Variants in RUFY4 observed in about 807,000 individuals in gnomAD.
RUFY4 encodes RUN and FYVE domain containing 4.
A neutral mutation model predicts 69.0 loss-of-function variants in RUFY4; 73 were observed. The ratio of observed to expected loss-of-function variants is 1.06; its 90% CI spans 0.88 to 1.29. RUFY4 has a LOEUF of 1.29. RUFY4 is among the 50% of genes most tolerant of loss of function. The pLI is 0.00. For missense variants in RUFY4, 770 were observed against 705.6 expected (o/e 1.09, Z -1.03); for synonymous variants, 287 against 271.8 (o/e 1.06, Z -0.55).
At chr2:218,038,087 C>T (rs568773300) in intron 2 of RUFY4, among the ~76,000 whole-genome samples, 3 of 152,278 alleles carry the variant, frequency 2.0e-5, no homozygotes, top group African/African-American at 7.2e-5. Flanking sequence ...TTCATGATAG[C>T]GTCAGTCTCT....
intron 2 of RUFY4, among the ~76,000 whole-genome samples, chr2:218,050,928 T>C (rs1427671): frequency 0.067 from 10,269 of 152,286 alleles, 1,165 homozygotes; most frequent in African/African-American, 0.23. Flanking sequence ...ACAAGGTATA[T>C]ATAAATGGAA....
At chr2:218,073,862 A>G (rs754100584) in exon 6 of RUFY4, 27 of 1,613,948 alleles carry the variant, frequency 1.7e-5, no homozygotes, top group Non-Finnish European at 2.1e-5. Flanking sequence ...GAGACCCAGA[A>G]AAAACAAAGA....
chr2:218,037,455 A>G (rs564215239), intron 2 of RUFY4, among the ~76,000 whole-genome samples: 1 of 152,370 alleles, frequency 6.6e-6, no homozygotes, highest in South Asian at 2.1e-4. Flanking sequence ...TAATCAAAGT[A>G]AGACTAATTT....
chr2:218,041,095 A>T (rs1257330329), intron 2 of RUFY4, among the ~76,000 whole-genome samples: 1 of 151,992 alleles, frequency 6.6e-6, no homozygotes, highest in African/African-American at 2.4e-5. Context: ...GGAATTGATG[A>T]TAGGATGTTC....
At chr2:218,066,184 T>C (rs1040736360), upstream of RUFY4, among the ~76,000 whole-genome samples, 24 of 144,616 alleles carry the variant, frequency 1.7e-4, no homozygotes, top group African/African-American at 5.6e-4. Flanking sequence ...TTTCTTTTTT[T>C]TTTTTTTTTT....
intron 8 of RUFY4, among the ~76,000 whole-genome samples, chr2:218,079,025 G>A (rs1020150076): frequency 1.3e-5 from 2 of 152,066 alleles, no homozygotes; most frequent in Non-Finnish European, 2.9e-5. Flanking sequence ...CTGCCACCAC[G>A]CCCAGCTAAT....
rs144609373 is a variant in RUFY4, at chr2:218,041,755, T to C, written c.-1158+6361T>C. On this transcript the variant is annotated intron_variant and NMD_transcript_variant, in intron 2 of 13. Coordinates refer to the RUFY4 transcript ENST00000457754. ...CAAGAAATAGCTTAAGTTTCACTTA[T>C]GTTTTCAAATCAAGCAAGCTTGAGG... Among the ~76,000 whole-genome samples the C allele has an allele frequency of 3.4e-3, 521 of 152,378 alleles. 6 individuals carry two copies. Among genetic ancestry groups the C allele is most frequent in the Middle Eastern group, 0.027 (8 of 294 alleles).
intron 2 of RUFY4, among the ~76,000 whole-genome samples, chr2:218,042,395 G>A (rs980100644): frequency 6.6e-6 from 1 of 152,194 alleles, no homozygotes; most frequent in African/African-American, 2.4e-5. Flanking sequence ...TAAGTTACAA[G>A]CTTGAAGAGA....
chr2:218,068,161 T>TGGAGGAC (rs1689390857), upstream of RUFY4, among the ~76,000 whole-genome samples: 2 of 50,784 alleles, frequency 3.9e-5, no homozygotes, highest in Non-Finnish European at 3.9e-5. Flanking sequence ...GACTGGAGGA[T>TGGAGGAC]GGCAGGGGGT....
At chr2:218,067,544 C>T (rs7559390), upstream of RUFY4, among the ~76,000 whole-genome samples, 254 of 152,350 alleles carry the variant, frequency 1.7e-3, no homozygotes, top group African/African-American at 5.7e-3. Context: ...CCCCAAGCAG[C>T]AGCAACCCCC....
chr2:218,038,098 TC>T lies in RUFY4; in HGVS notation c.-1158+2706del, dbSNP rs1399522710. Among the ~76,000 whole-genome samples the T allele has an allele frequency of 5.3e-5, 8 of 152,362 alleles. No individual in the cohort carries two copies. The South Asian group carries it at 1.2e-3, about 24-fold the overall frequency. On this transcript the variant is annotated intron_variant and NMD_transcript_variant, in intron 2 of 13. Transcript: ENST00000457754. ...AAGTTTCATGATAGCGTCAGTCTCT[TC>T]CTTAGAGTTATGGAAATTCTTACCC...
intron 2 of RUFY4, among the ~76,000 whole-genome samples, chr2:218,071,603 T>A (rs1413665354): frequency 6.6e-6 from 1 of 152,130 alleles, no homozygotes; most frequent in Non-Finnish European, 1.5e-5. Context: ...AACAGGTGAC[T>A]CTACCCCAGG....
intron 2 of RUFY4, among the ~76,000 whole-genome samples, chr2:218,053,264 GATGAGGCTTATTTAAT>G (rs889295891): frequency 5.9e-5 from 9 of 152,166 alleles, no homozygotes; most frequent in South Asian, 2.1e-4. Context: ...AGTCTCAAAG[GATGAGGCTTATTTAAT>G]ATGAGGCTTA....
chr2:218,054,554 C>CA (rs35697446), intron 2 of RUFY4, among the ~76,000 whole-genome samples: 25,621 of 79,596 alleles, frequency 0.32, 3,143 homozygotes, highest in East Asian at 0.47. Flanking sequence ...GACTCTGTCT[C>CA]AAAAAAAAAA....
exon 1 of RUFY4, chr2:218,070,509 C>T: frequency 9.3e-7 from 1 of 1,075,800 alleles, no homozygotes; most frequent in East Asian, 2.6e-5. Context: ...GGCTCTGCGT[C>T]CTGCTTTGTG....
chr2:218,078,263 T>C (rs1689681634), intron 8 of RUFY4, among the ~76,000 whole-genome samples: 1 of 152,184 alleles, frequency 6.6e-6, no homozygotes, highest in Non-Finnish European at 1.5e-5. Context: ...TATTTTACAT[T>C]TTAATAAGGT....
intron 2 of RUFY4, among the ~76,000 whole-genome samples, chr2:218,036,399 A>G (rs1184352518): frequency 6.6e-6 from 1 of 152,138 alleles, no homozygotes; most frequent in Non-Finnish European, 1.5e-5. Flanking sequence ...CCAAGTCACA[A>G]GGAATCACAT....
chr2:218,060,551 C>T (rs759373932), intron 3 of RUFY4: 40 of 1,302,998 alleles, frequency 3.1e-5, no homozygotes, highest in African/African-American at 4.3e-5. Flanking sequence ...TGGTTGATGT[C>T]GTTGCGGCGC....
intron 2 of RUFY4, among the ~76,000 whole-genome samples, chr2:218,051,036 C>A (rs1688930686): frequency 6.6e-6 from 1 of 152,038 alleles, no homozygotes; most frequent in African/African-American, 2.4e-5. Context: ...AAGTTCTTTT[C>A]ATTTTTTAAA....
Sources: allele counts gnomAD v4.1 joint callset (sites outside exome capture counted in the v4.1 genomes callset), GRCh38; gene constraint gnomAD v4.1.1; transcripts MANE v1.5; gene names NCBI Gene and HGNC (gene_info 2026-07-23, HGNC 2026-07-21).